Variants in FAM193A observed in about 807,000 individuals in gnomAD.
FAM193A encodes the protein protein FAM193A.
Under a neutral mutation model 126.5 loss-of-function variants are expected in FAM193A, and 22 were observed. The observed-to-expected ratio is 0.17, with a 90% CI of 0.12 to 0.25. The LOEUF (loss-of-function observed/expected upper bound fraction) is 0.25, where lower values mean the gene tolerates loss of function less well. Ranked by LOEUF, FAM193A falls within the 10% of genes least tolerant of loss-of-function variation. FAM193A has a pLI of 1.00. For missense variants in FAM193A, 1,675 were observed against 1,672.8 expected (o/e 1.00, Z -0.02); for synonymous variants, 761 against 646.8 (o/e 1.18, Z -2.68).
At chr4:2,587,649 G>A (rs34212605) in intron 1 of FAM193A, among the ~76,000 whole-genome samples, 4,749 of 152,242 alleles carry the variant, frequency 0.031, 86 homozygotes, top group South Asian at 0.071. Flanking sequence ...AGCCAAGATC[G>A]TGCTACTGCA....
At chr4:2,636,632 T>G (rs1015580490) in intron 5 of FAM193A, among the ~76,000 whole-genome samples, 3 of 152,236 alleles carry the variant, frequency 2.0e-5, no homozygotes, top group African/African-American at 7.2e-5. Context: ...GTTTTATTAA[T>G]ATAAAAAATG....
chr4:2,628,934 G>C (rs1324075626), intron 4 of FAM193A, among the ~76,000 whole-genome samples: 3 of 150,488 alleles, frequency 2.0e-5, no homozygotes, highest in African/African-American at 7.4e-5. Context: ...CTCACTGCAA[G>C]CTCCGCCTGG....
chr4:2,569,631 G>T (rs1739177467), intron 1 of FAM193A, among the ~76,000 whole-genome samples: 2 of 151,842 alleles, frequency 1.3e-5, no homozygotes, highest in South Asian at 4.2e-4. Context: ...CCGAGTAGCT[G>T]GGACCACAGG....
intron 20 of FAM193A, among the ~76,000 whole-genome samples, chr4:2,722,716 A>G (rs1720297038): frequency 6.6e-6 from 1 of 152,240 alleles, no homozygotes; most frequent in Non-Finnish European, 1.5e-5. Flanking sequence ...GCTGTTGGGC[A>G]TTCACGAATG....
At chr4:2,673,605 T>A (rs192366796) in intron 13 of FAM193A, among the ~76,000 whole-genome samples, 117 of 152,294 alleles carry the variant, frequency 7.7e-4, no homozygotes, top group Middle Eastern at 6.8e-3. Flanking sequence ...ATTTTTCAGG[T>A]ATGTAGTCAG....
At chr4:2,642,732 C>CTT (rs1209422669) in intron 6 of FAM193A, among the ~76,000 whole-genome samples, 29 of 135,448 alleles carry the variant, frequency 2.1e-4, no homozygotes, top group African/African-American at 5.8e-4. Context: ...AAACTCCCAT[C>CTT]TTTTTTTTTT....
In FAM193A at chr4:2,570,237, C is replaced by T. The variant is rs148835396; in HGVS notation, c.256-25847C>T. On this transcript the variant is annotated intron_variant, in intron 1 of 20. Coordinates refer to ENST00000637812, the MANE Select transcript of FAM193A (RefSeq NM_001366318.2). ...TTGGGCCGGTTTGAATCTGTACTTC[C>T]TTGAACAAATCATGGTACCCTTATG... Among the ~76,000 whole-genome samples the T allele has an allele frequency of 3.2e-4, 48 of 152,122 alleles. No individual in the cohort carries two copies. In the East Asian group the frequency reaches 9.1e-3, roughly 29 times the overall value.
rs1721493778 is a variant in FAM193A, at chr4:2,732,323, A to G, written c.*455A>G. The G allele has an allele frequency of 4.8e-6, 1 of 207,452 alleles. No homozygotes were observed. The highest frequency in any genetic ancestry group is 9.9e-6 in the Non-Finnish European group (1 of 100,738). 12.9% of individuals were successfully genotyped at this position (207,452 alleles called of 1,614,324 possible). ...AGGCCTCCTTTGTTCTCCACAATCT[A>G]CTGTCTCCGAGTGTACACGTTGCGC... is the stretch of plus-strand genomic sequence containing the variant. On this transcript the variant is annotated 3_prime_UTR_variant, in exon 21 of 21. Coordinates refer to ENST00000637812, the MANE Select transcript of FAM193A (RefSeq NM_001366318.2).
At chr4:2,632,323 T>C (rs962760970) in intron 5 of FAM193A, among the ~76,000 whole-genome samples, 4 of 152,080 alleles carry the variant, frequency 2.6e-5, no homozygotes, top group Admixed American at 2.6e-4. Context: ...CCTCGCACTT[T>C]GGGAAGCCAA....
chr4:2,648,758 G>C (rs971217941), intron 7 of FAM193A, among the ~76,000 whole-genome samples: 3 of 152,264 alleles, frequency 2.0e-5, no homozygotes, highest in Non-Finnish European at 2.9e-5. Context: ...CAAGTTTGCT[G>C]TTCTGGTAGA....
At chr4:2,571,795 C>T (rs975259189) in intron 1 of FAM193A, among the ~76,000 whole-genome samples, 8 of 151,936 alleles carry the variant, frequency 5.3e-5, no homozygotes, top group Admixed American at 3.3e-4. Context: ...CGGCCTCAGC[C>T]TCCCAAAGAG....
chr4:2,611,449 T>C (rs1741868869), intron 2 of FAM193A, among the ~76,000 whole-genome samples: 1 of 151,788 alleles, frequency 6.6e-6, no homozygotes, highest in Non-Finnish European at 1.5e-5. Flanking sequence ...TTTTTTTGTA[T>C]TTTTAGTGGA....
At chr4:2,596,024 T>C (rs1740838885) in intron 1 of FAM193A, 60 bp from the exon 2 acceptor site, 2 of 648,208 alleles carry the variant, frequency 3.1e-6, no homozygotes, top group Admixed American at 2.5e-5. Context: ...TACATATATT[T>C]TAATATTCTT....
At chr4:2,576,100 A>G (rs1200012107) in intron 1 of FAM193A, among the ~76,000 whole-genome samples, 1 of 151,788 alleles carries the variant, frequency 6.6e-6, no homozygotes, top group Admixed American at 6.6e-5. Flanking sequence ...TTATTTATTT[A>G]TTTATTTATT....
rs1472985497 is a variant in FAM193A, at chr4:2,662,974, A to G, written c.1882A>G (p.Met628Val). ...HSELNGGGEN[M>V]ALKDESPQIS... ...CGAATTGAATGGTGGCGGGGAAAACATGGCCCTGAAGGATGAGGTATGGAC... is the reference window on the plus strand; with the variant it reads ...CGAATTGAATGGTGGCGGGGAAAACGTGGCCCTGAAGGATGAGGTATGGAC... Residue 628 changes from methionine to valine, a missense_variant, in exon 11 of 21, where the codon ATG (methionine) becomes GTG (valine). By Grantham distance (21) the Met-to-Val change is conservative. This residue lies in a region of FAM193A where 1,186 missense variants were observed against 1,109.2 expected (regional missense o/e 1.07). Coordinates refer to ENST00000637812, the MANE Select transcript of FAM193A (RefSeq NM_001366318.2). 3 of 1,613,056 alleles carry G rather than the reference A, an allele frequency of 1.9e-6. No homozygotes were observed. Among genetic ancestry groups the G allele is most frequent in the Admixed American group, 1.7e-5 (1 of 60,000 alleles).
At chr4:2,656,502 G>A (rs1577148851) in intron 7 of FAM193A, among the ~76,000 whole-genome samples, 1 of 152,204 alleles carries the variant, frequency 6.6e-6, no homozygotes, top group Admixed American at 6.5e-5. Flanking sequence ...GGGTAGAGCG[G>A]CCCCAGCGTT....
chr4:2,582,976 G>A (rs1417157529), intron 1 of FAM193A, among the ~76,000 whole-genome samples: 1 of 152,078 alleles, frequency 6.6e-6, no homozygotes, highest in Non-Finnish European at 1.5e-5. Context: ...TTTTGTTGTT[G>A]TTATTTTTTG....
intron 5 of FAM193A, among the ~76,000 whole-genome samples, chr4:2,632,099 G>A (rs925498750): frequency 6.6e-6 from 1 of 152,094 alleles, no homozygotes; most frequent in Admixed American, 6.5e-5. Context: ...TCTTGCAGGT[G>A]GGGACTTGGA....
At chr4:2,592,010 A>G (rs1370477237) in intron 1 of FAM193A, among the ~76,000 whole-genome samples, 1 of 152,152 alleles carries the variant, frequency 6.6e-6, no homozygotes, top group Admixed American at 6.5e-5. Context: ...ATATATACAC[A>G]TTTTATATAT....
Sources: gnomAD v4.1 joint callset for allele counts (sites outside exome capture counted in the v4.1 genomes callset) on GRCh38, gnomAD v4.1.1 for gene constraint, gnomAD v4.1.1 regional missense constraint, MANE v1.5 for transcripts, NCBI Gene and HGNC (gene_info 2026-07-23, HGNC 2026-07-21) for gene names.